The following MAP4K4 variants were observed in gnomAD, a reference collection of about 807,000 sequenced individuals.
MAP4K4 encodes the protein mitogen-activated protein kinase kinase kinase kinase 4.
Under a neutral mutation model 189.6 loss-of-function variants are expected in MAP4K4, and 38 were observed. That is an observed-to-expected ratio of 0.20 (90% CI 0.15 to 0.26). The LOEUF is 0.26. Among genes scored for constraint, MAP4K4 ranks in the 10% least tolerant of loss-of-function variants. The pLI is 1.00. For synonymous variants in MAP4K4, 610 were observed against 624.3 expected (o/e 0.98, Z 0.34); for missense variants, 1,054 against 1,726.9 (o/e 0.61, Z 6.91).
chr2:101,852,672 A>C (rs1576784976), intron 12 of MAP4K4, among the ~76,000 whole-genome samples: 1 of 152,284 alleles, frequency 6.6e-6, no homozygotes. Flanking sequence ...TATTAGTTGA[A>C]TAAAATGTAA....
intron 2 of MAP4K4, among the ~76,000 whole-genome samples, chr2:101,714,007 C>CAA (rs2047070925): frequency 6.6e-6 from 1 of 151,942 alleles, no homozygotes; most frequent in African/African-American, 2.4e-5. Flanking sequence ...ATGACAAGAG[C>CAA]CAATATTTTA....
At chr2:101,823,669 C>T (rs906768868) in intron 3 of MAP4K4, among the ~76,000 whole-genome samples, 6 of 152,136 alleles carry the variant, frequency 3.9e-5, no homozygotes, top group African/African-American at 1.4e-4. Flanking sequence ...GAGAGCTGGC[C>T]GGGCAGTCCC....
intron 2 of MAP4K4, among the ~76,000 whole-genome samples, chr2:101,729,952 G>A (rs981014951): frequency 4.6e-5 from 7 of 152,214 alleles, no homozygotes; most frequent in Admixed American, 1.3e-4. Context: ...GGTGTGTAAA[G>A]ATGCCAGGAA....
At chr2:101,865,163 G>A (rs1370185471) in intron 18 of MAP4K4, 127 bp downstream of exon 18, 72 of 596,046 alleles carry the variant, frequency 1.2e-4, no homozygotes. Context: ...GTTATAAAAG[G>A]AAAAGCTGCC....
chr2:101,846,370 C>T (rs1053335187), intron 12 of MAP4K4, among the ~76,000 whole-genome samples: 1 of 151,940 alleles, frequency 6.6e-6, no homozygotes, highest in African/African-American at 2.4e-5. Context: ...TTTTTTTGAT[C>T]CCGGCCTGTA....
intron 2 of MAP4K4, among the ~76,000 whole-genome samples, chr2:101,748,339 A>G (rs1340432314): frequency 6.6e-6 from 1 of 152,200 alleles, no homozygotes; most frequent in African/African-American, 2.4e-5. Flanking sequence ...TGCTTCTGGT[A>G]TTTGCCTTTT....
chr2:101,723,250 A>G (rs377014116), intron 2 of MAP4K4, among the ~76,000 whole-genome samples: 10 of 152,320 alleles, frequency 6.6e-5, no homozygotes, highest in East Asian at 3.9e-4. Flanking sequence ...GACACAGCCA[A>G]ACCATATCAG....
At chr2:101,889,090 G>A (rs1198979480) in intron 32 of MAP4K4, among the ~76,000 whole-genome samples, 155 bp downstream of exon 32, 2 of 152,072 alleles carry the variant, frequency 1.3e-5, no homozygotes, top group African/African-American at 4.8e-5. Context: ...TGAGGATTGG[G>A]GAATGTTTTG....
rs80063473 is a variant in MAP4K4 at position 101,843,008 on chromosome 2, T to C, written c.1022+327T>C. On this transcript the variant is annotated intron_variant, in intron 11 of 32. Transcript: ENST00000324219. ...GGTGAAGGTGCCATTGAACACCATTTCTTGTGGTATATAGAACATGGCTAC... is the reference window on the plus strand; with the variant it reads ...GGTGAAGGTGCCATTGAACACCATTCCTTGTGGTATATAGAACATGGCTAC... Among the ~76,000 whole-genome samples the C allele has an allele frequency of 9.5e-4, 145 of 152,274 alleles. 3 individuals are homozygous for C. The East Asian group carries it at 0.027, about 28-fold the overall frequency.
At chr2:101,748,486 A>T (rs2066796497) in intron 2 of MAP4K4, among the ~76,000 whole-genome samples, 1 of 152,138 alleles carries the variant, frequency 6.6e-6, no homozygotes, top group African/African-American at 2.4e-5. Context: ...TTGACTCTGA[A>T]TTTGGAATAC....
At chr2:101,702,922 A>G (rs2039836746) in intron 2 of MAP4K4, among the ~76,000 whole-genome samples, 1 of 152,174 alleles carries the variant, frequency 6.6e-6, no homozygotes, top group South Asian at 2.1e-4. Flanking sequence ...TATTGAAGAA[A>G]GGGAGGGGAG....
intron 3 of MAP4K4, chr2:101,797,188 A>G: frequency 2.4e-6 from 3 of 1,259,176 alleles, no homozygotes; most frequent in Non-Finnish European, 3.1e-6. Flanking sequence ...AATAAGAACA[A>G]AAGGAAGGGA....
intron 2 of MAP4K4, among the ~76,000 whole-genome samples, chr2:101,789,778 G>A (rs563757722): frequency 1.3e-5 from 2 of 152,262 alleles, no homozygotes; most frequent in East Asian, 3.9e-4. Flanking sequence ...ACTGGCCTGA[G>A]AAATGACCAG....
At chr2:101,803,319 G>C (rs2094573316) in intron 3 of MAP4K4, among the ~76,000 whole-genome samples, 1 of 151,526 alleles carries the variant, frequency 6.6e-6, no homozygotes, top group African/African-American at 2.4e-5. Flanking sequence ...GTCTGTCTGT[G>C]TGCACAGGCC....
chr2:101,724,065 A>G (rs1025129746), intron 2 of MAP4K4, among the ~76,000 whole-genome samples: 3 of 152,198 alleles, frequency 2.0e-5, no homozygotes, highest in Non-Finnish European at 4.4e-5. Context: ...TAGACTGAGC[A>G]TCTTTAGTTC....
chr2:101,809,866 C>G (rs1484028246), intron 3 of MAP4K4, among the ~76,000 whole-genome samples: 6 of 152,194 alleles, frequency 3.9e-5, no homozygotes, highest in African/African-American at 1.4e-4. Flanking sequence ...AACATCTGGT[C>G]TAAAGATGTA....
chr2:101,855,902 C>G (rs564900242), intron 12 of MAP4K4, 75 bp from the exon 13 acceptor site: 1 of 1,420,074 alleles, frequency 7.0e-7, no homozygotes, highest in East Asian at 2.5e-5. Flanking sequence ...CTGGCACTGA[C>G]TGATCAGCAC....
At chr2:101,875,032 A>C (rs1220833943) in intron 26 of MAP4K4, among the ~76,000 whole-genome samples, 5 of 152,210 alleles carry the variant, frequency 3.3e-5, no homozygotes, top group Non-Finnish European at 7.4e-5. Context: ...GATTCTTGAC[A>C]TAGGAGTTTA....
chr2:101,852,455 T>G (rs1470878354), intron 12 of MAP4K4, among the ~76,000 whole-genome samples: 1 of 152,098 alleles, frequency 6.6e-6, no homozygotes, highest in Non-Finnish European at 1.5e-5. Context: ...TAAGACATGG[T>G]TCCTGCTTTC....
Sources: allele counts gnomAD v4.1 joint callset (sites outside exome capture counted in the v4.1 genomes callset), GRCh38; gene constraint gnomAD v4.1.1; transcripts MANE v1.5; gene names NCBI Gene and HGNC (gene_info 2026-07-23, HGNC 2026-07-21).